Variants in TBC1D5 observed in about 807,000 individuals in gnomAD.
TBC1D5 encodes TBC1 domain family member 5.
Under a neutral mutation model 100.3 loss-of-function variants are expected in TBC1D5, and 75 were observed. That is an observed-to-expected ratio of 0.75 (90% CI 0.62 to 0.91). The LOEUF (loss-of-function observed/expected upper bound fraction) is 0.91, where lower values mean the gene tolerates loss of function less well. Ranked by LOEUF, TBC1D5 falls within the 40% of genes least tolerant of loss-of-function variation. TBC1D5 has a pLI of 0.00. For synonymous variants in TBC1D5, 323 were observed against 325.6 expected (o/e 0.99, Z 0.09); for missense variants, 910 against 942.4 (o/e 0.97, Z 0.45).
intron 1 of TBC1D5, among the ~76,000 whole-genome samples, chr3:17,731,674 G>T (rs1016343198): frequency 6.6e-6 from 1 of 151,964 alleles, no homozygotes; most frequent in Non-Finnish European, 1.5e-5. Flanking sequence ...AGAGATGATG[G>T]GGACCTGAAC....
At position 17,404,894 on chromosome 3, in the gene TBC1D5, C is replaced by T. The variant is rs1347146348; in HGVS notation, c.344G>A (p.Trp115Ter). Reference sequence around the variant, plus strand: ...TACTATTTCTTTAATGTTGCTATACCATGCTCTTAATTCTTCAATTCTACT... The same window carrying T: ...TACTATTTCTTTAATGTTGCTATACTATGCTCTTAATTCTTCAATTCTACT... The change falls in exon 6 of 22, where the codon TGG becomes TAG. Residue 115 changes from tryptophan (W) to a stop codon, truncating the protein, a stop_gained. Coordinates refer to ENST00000253692, the Ensembl canonical transcript of TBC1D5. LOFTEE classifies it high-confidence loss of function. 4 of 1,597,122 alleles carry T rather than the reference C, an allele frequency of 2.5e-6. No individual in the cohort carries two copies. The highest frequency in any genetic ancestry group is 2.3e-5 in the South Asian group (2 of 88,284).
At chr3:17,163,946 GCTGA>G (rs1167600859) in intron 21 of TBC1D5, among the ~76,000 whole-genome samples, 2 of 152,184 alleles carry the variant, frequency 1.3e-5, no homozygotes, top group African/African-American at 2.4e-5. Flanking sequence ...TGATGCGTTG[GCTGA>G]CTAATAATGG....
rs184942679 is a variant in TBC1D5, at chr3:17,442,137, G to A, written c.98-13618C>T. ...ATCTGAGAATTAAACAGCAGGCATC[G>A]GGAGCAAAAACCCCAAAAGAATCCC... On this transcript the variant is annotated intron_variant, in intron 3 of 21. Coordinates refer to ENST00000253692, the Ensembl canonical transcript of TBC1D5. Among the ~76,000 whole-genome samples, 7 of 152,270 alleles carry A rather than the reference G, an allele frequency of 4.6e-5. No homozygotes were observed. The East Asian group carries it at 5.8e-4, about 13-fold the overall frequency.
intron 3 of TBC1D5, among the ~76,000 whole-genome samples, chr3:17,463,917 C>CCAATCAAT (rs1395509373): frequency 6.6e-6 from 1 of 150,838 alleles, no homozygotes; most frequent in Non-Finnish European, 1.5e-5. Context: ...TCTCACGTTC[C>CCAATCAAT]CAATCAATAC....
intron 16 of TBC1D5, among the ~76,000 whole-genome samples, chr3:17,251,755 C>T (rs2077203910): frequency 6.6e-6 from 1 of 152,250 alleles, no homozygotes; most frequent in Non-Finnish European, 1.5e-5. Context: ...AACTTACTTG[C>T]ACATTTCTTT....
intron 1 of TBC1D5, among the ~76,000 whole-genome samples, chr3:17,654,643 T>C (rs574590007): frequency 2.0e-5 from 3 of 152,266 alleles, no homozygotes; most frequent in South Asian, 2.1e-4. Flanking sequence ...TGTCTCTGCC[T>C]GGCTTTGGTA....
chr3:17,484,731 GC>G lies in TBC1D5; in HGVS notation c.97+23742del, dbSNP rs370546146. ...CACTCTGGGCTCAAGTGATCCTCCT[GC>G]CTCAGCTTCCCAAAATAGTAGGATT... On this transcript the variant is annotated intron_variant, in intron 3 of 21. Coordinates refer to ENST00000253692, the Ensembl canonical transcript of TBC1D5. Among the ~76,000 whole-genome samples the G allele has an allele frequency of 1.0e-3, 153 of 152,096 alleles. 2 individuals carry two copies. In the South Asian group the frequency reaches 0.018, roughly 18 times the overall value.
chr3:17,168,849 A>C (rs2066898731), intron 19 of TBC1D5, among the ~76,000 whole-genome samples: 1 of 152,060 alleles, frequency 6.6e-6, no homozygotes, highest in Admixed American at 6.5e-5. Flanking sequence ...CTCACTTAAG[A>C]CTGTTCCAGT....
chr3:17,259,818 G>A (rs2078105109), intron 15 of TBC1D5, among the ~76,000 whole-genome samples: 1 of 152,098 alleles, frequency 6.6e-6, no homozygotes, highest in African/African-American at 2.4e-5. Flanking sequence ...TTTTTCTGCT[G>A]AAAGGAGAAT....
chr3:17,733,336 A>C (rs2076713143), intron 1 of TBC1D5, among the ~76,000 whole-genome samples: 1 of 152,250 alleles, frequency 6.6e-6, no homozygotes, highest in African/African-American at 2.4e-5. Flanking sequence ...CTTGATGAGT[A>C]AACTCACCAT....
chr3:17,716,448 G>GC (rs1553930207), intron 1 of TBC1D5, among the ~76,000 whole-genome samples: 4 of 149,526 alleles, frequency 2.7e-5, no homozygotes, highest in Non-Finnish European at 5.9e-5. Context: ...TGTTCAGAGG[G>GC]AAAAAAAAAA....
chr3:17,618,319 T>C (rs1410274110), intron 2 of TBC1D5, among the ~76,000 whole-genome samples: 2 of 152,196 alleles, frequency 1.3e-5, no homozygotes, highest in African/African-American at 4.8e-5. Flanking sequence ...TGTCGGCCCA[T>C]ACTGGGAGAT....
At chr3:17,298,572 T>C (rs1055673211) in intron 14 of TBC1D5, among the ~76,000 whole-genome samples, 30 of 152,172 alleles carry the variant, frequency 2.0e-4, no homozygotes, top group African/African-American at 7.0e-4. Flanking sequence ...AGAAATGGGA[T>C]GTATGGAAGG....
In TBC1D5 at chr3:17,462,977, T is replaced by C. The variant is rs1234267980; in HGVS notation, c.98-34458A>G. 4.6e-5 allele frequency among the ~76,000 whole-genome samples: 7 copies of C among 152,312 alleles called. No individual in the cohort carries two copies. In the South Asian group the frequency reaches 1.5e-3, roughly 32 times the overall value. On this transcript the variant is annotated intron_variant, in intron 3 of 21. Transcript: ENST00000253692. ...TCTGTGTGGTCATGAAATAGTCCAC[T>C]ATGTCAGAAAGCAACTCCCTCAGAG...
At chr3:17,629,924 T>C (rs746984257) in intron 1 of TBC1D5, among the ~76,000 whole-genome samples, 2 of 152,162 alleles carry the variant, frequency 1.3e-5, no homozygotes, top group East Asian at 3.8e-4. Flanking sequence ...ACCATTAAAT[T>C]TGTGATAATT....
chr3:17,293,487 T>C (rs1301681287), intron 14 of TBC1D5, among the ~76,000 whole-genome samples: 2 of 152,250 alleles, frequency 1.3e-5, no homozygotes, highest in African/African-American at 4.8e-5. Context: ...CCTGGGGCTT[T>C]ATTTGAACCT....
intron 13 of TBC1D5, among the ~76,000 whole-genome samples, chr3:17,357,901 A>G (rs2091359983): frequency 6.6e-6 from 1 of 152,200 alleles, no homozygotes; most frequent in South Asian, 2.1e-4. Flanking sequence ...TTCTCTGCAT[A>G]TTTCTTGTTT....
intron 4 of TBC1D5, among the ~76,000 whole-genome samples, chr3:17,416,887 C>G (rs941490257): frequency 1.3e-5 from 2 of 152,034 alleles, no homozygotes; most frequent in Non-Finnish European, 2.9e-5. Context: ...ATTTGGATCA[C>G]GAACGTAATA....
chr3:17,319,001 A>C (rs902612032), intron 13 of TBC1D5, among the ~76,000 whole-genome samples: 1 of 152,224 alleles, frequency 6.6e-6, no homozygotes. Context: ...TAAAGAACTA[A>C]GAACTTACAA....
Sources: allele counts gnomAD v4.1 joint callset (sites outside exome capture counted in the v4.1 genomes callset), GRCh38; gene constraint gnomAD v4.1.1; transcripts MANE v1.5; gene names NCBI Gene and HGNC (gene_info 2026-07-23, HGNC 2026-07-21).